The following LOC128706665 variants were observed in gnomAD, a reference collection of about 807,000 sequenced individuals.
chr20:10,426,409 T>C, the LOC128706665 span, among the ~76,000 whole-genome samples: 167 of 147,552 alleles, frequency 1.1e-3, 1 homozygote, highest in Middle Eastern at 0.021. Flanking sequence ...TGGCATGTTG[T>C]TCTTTTTTCT....
chr20:10,430,650 T>C, the LOC128706665 span, among the ~76,000 whole-genome samples: 2 of 152,146 alleles, frequency 1.3e-5, no homozygotes, highest in Non-Finnish European at 2.9e-5. Flanking sequence ...CAGAGGTCTT[T>C]GGGGTTTGAC....
the LOC128706665 span, among the ~76,000 whole-genome samples, chr20:10,433,118 C>T: frequency 2.0e-5 from 3 of 152,248 alleles, no homozygotes; most frequent in South Asian, 4.1e-4. Context: ...ATTCTCCTGC[C>T]TCAACCTCCC....
the LOC128706665 span, among the ~76,000 whole-genome samples, chr20:10,422,577 T>C: frequency 2.6e-5 from 4 of 152,194 alleles, no homozygotes; most frequent in Non-Finnish European, 5.9e-5. Context: ...CCTGTGTTGA[T>C]TGACATATGG....
the LOC128706665 span, among the ~76,000 whole-genome samples, chr20:10,418,548 C>T: frequency 2.0e-5 from 3 of 152,134 alleles, no homozygotes; most frequent in Non-Finnish European, 4.4e-5. Flanking sequence ...TAAATATCTG[C>T]TTCTGCTTGC....
the LOC128706665 span, among the ~76,000 whole-genome samples, chr20:10,428,197 T>C: frequency 1.3e-5 from 2 of 152,366 alleles, no homozygotes; most frequent in Admixed American, 6.5e-5. Context: ...TAGTGGTTTA[T>C]AGAGTTGTCT....
At chr20:10,426,027 CTT>C in the LOC128706665 span, among the ~76,000 whole-genome samples, 87 of 152,308 alleles carry the variant, frequency 5.7e-4, no homozygotes, top group African/African-American at 2.0e-3. Context: ...TAGAGGCAAT[CTT>C]AATGTGGATT....
At chr20:10,420,943 C>G in the LOC128706665 span, among the ~76,000 whole-genome samples, 1 of 152,166 alleles carries the variant, frequency 6.6e-6, no homozygotes, top group Non-Finnish European at 1.5e-5. Flanking sequence ...CCAAAGGGAG[C>G]AGGCAGTCAG....
chr20:10,423,707 A>C, the LOC128706665 span, among the ~76,000 whole-genome samples: 1 of 152,198 alleles, frequency 6.6e-6, no homozygotes, highest in Non-Finnish European at 1.5e-5. Flanking sequence ...AGAAATGCTC[A>C]ATTTTATGTA....
the LOC128706665 span, among the ~76,000 whole-genome samples, chr20:10,425,798 T>C: frequency 6.8e-6 from 1 of 146,894 alleles, no homozygotes; most frequent in African/African-American, 2.6e-5. Flanking sequence ...ACAAGAGAAA[T>C]GAGATTTTTT....
the LOC128706665 span, among the ~76,000 whole-genome samples, chr20:10,432,741 T>C: frequency 2.4e-5 from 3 of 127,102 alleles, no homozygotes; most frequent in African/African-American, 8.9e-5. Context: ...GGTTGCACAG[T>C]GAGCAGAGAT....
the LOC128706665 span, among the ~76,000 whole-genome samples, chr20:10,432,768 C>T: frequency 1.7e-5 from 2 of 119,406 alleles, no homozygotes; most frequent in South Asian, 2.8e-4. Flanking sequence ...TCAGCCTGCG[C>T]GACAGAGCGA....
At chr20:10,416,821 G>T in the LOC128706665 span, among the ~76,000 whole-genome samples, 14 of 152,154 alleles carry the variant, frequency 9.2e-5, no homozygotes, top group Non-Finnish European at 1.8e-4. Flanking sequence ...CCAGACTGCT[G>T]CCTGTTTTTG....
the LOC128706665 span, among the ~76,000 whole-genome samples, chr20:10,432,789 C>CACA: frequency 2.7e-5 from 2 of 74,560 alleles, no homozygotes; most frequent in East Asian, 8.7e-4. Flanking sequence ...GACTCTTTGT[C>CACA]AAAAAAAAAA....
At chr20:10,425,496 C>G in the LOC128706665 span, among the ~76,000 whole-genome samples, 2 of 152,066 alleles carry the variant, frequency 1.3e-5, no homozygotes, top group Non-Finnish European at 2.9e-5. Flanking sequence ...TTTTTAAAAC[C>G]TTGACTTTTA....
the LOC128706665 span, among the ~76,000 whole-genome samples, chr20:10,424,896 A>G: frequency 6.6e-6 from 1 of 152,060 alleles, no homozygotes; most frequent in Non-Finnish European, 1.5e-5. Context: ...TACTAAAAAT[A>G]CAAAAAATTA....
the LOC128706665 span, among the ~76,000 whole-genome samples, chr20:10,433,363 G>A: frequency 6.6e-6 from 1 of 152,344 alleles, no homozygotes; most frequent in South Asian, 2.1e-4. Flanking sequence ...CTCATGGATA[G>A]GGAGCGTATT....
chr20:10,422,357 T>C, the LOC128706665 span, among the ~76,000 whole-genome samples: 5 of 152,224 alleles, frequency 3.3e-5, no homozygotes, highest in South Asian at 1.0e-3. Context: ...CACCTTTTAT[T>C]GACATGCTTA....
the LOC128706665 span, among the ~76,000 whole-genome samples, chr20:10,431,232 T>G: frequency 6.6e-6 from 1 of 152,160 alleles, no homozygotes; most frequent in African/African-American, 2.4e-5. Context: ...ATATTTTGAC[T>G]AAAATTGGGT....
At chr20:10,433,431 T>C in the LOC128706665 span, among the ~76,000 whole-genome samples, 40 of 152,360 alleles carry the variant, frequency 2.6e-4, no homozygotes, top group African/African-American at 9.1e-4. Context: ...TCTTGGTCAC[T>C]GCCGTATCTA....
Sources: gnomAD v4.1 joint callset for allele counts (sites outside exome capture counted in the v4.1 genomes callset) on GRCh38, gnomAD v4.1.1 for gene constraint, MANE v1.5 for transcripts.